The following SRPK1 variants were observed in gnomAD, a reference collection of about 807,000 sequenced individuals.
SRPK1 encodes the protein SFRS protein kinase 1.
A neutral mutation model predicts 89.5 loss-of-function variants in SRPK1; 52 were observed. That is an observed-to-expected ratio of 0.58 (90% CI 0.46 to 0.73). SRPK1 has a LOEUF of 0.73. Ranked by LOEUF, SRPK1 falls within the 30% of genes least tolerant of loss-of-function variation. SRPK1 has a pLI of 0.00. For synonymous variants in SRPK1, 255 were observed against 270.2 expected (o/e 0.94, Z 0.55); for missense variants, 603 against 780.6 (o/e 0.77, Z 2.71).
intron 13 of SRPK1, among the ~76,000 whole-genome samples, chr6:35,856,345 T>C (rs574577926): frequency 1.3e-5 from 2 of 152,272 alleles, no homozygotes; most frequent in South Asian, 4.1e-4. Flanking sequence ...GTATTCTTTA[T>C]AATAAAACTA....
chr6:35,894,323 G>A (rs1388971895), intron 2 of SRPK1, among the ~76,000 whole-genome samples: 1 of 152,098 alleles, frequency 6.6e-6, no homozygotes, highest in East Asian at 1.9e-4. Flanking sequence ...TCAGAAAGAA[G>A]TTCTAGAAAA....
intron 12 of SRPK1, among the ~76,000 whole-genome samples, chr6:35,860,549 T>C (rs1467934897): frequency 6.6e-6 from 1 of 152,180 alleles, no homozygotes; most frequent in African/African-American, 2.4e-5. Context: ...GTGTGATACT[T>C]GTTACAGAGT....
chr6:35,899,808 C>A (rs1183656095), intron 2 of SRPK1, among the ~76,000 whole-genome samples: 5 of 151,940 alleles, frequency 3.3e-5, no homozygotes, highest in African/African-American at 9.7e-5. Context: ...TCGAGACCAG[C>A]CTGGCCAACT....
At chr6:35,896,622 C>A (rs1011352146) in intron 2 of SRPK1, among the ~76,000 whole-genome samples, 3 of 152,194 alleles carry the variant, frequency 2.0e-5, no homozygotes, top group Non-Finnish European at 4.4e-5. Context: ...TGTATCCACA[C>A]ACCAAGTTGT....
chr6:35,912,562 T>C (rs1254258592), intron 2 of SRPK1, among the ~76,000 whole-genome samples: 2 of 152,134 alleles, frequency 1.3e-5, no homozygotes, highest in African/African-American at 4.8e-5. Flanking sequence ...AACAAAAACT[T>C]TGTGTGACTC....
At chr6:35,857,150 C>A in intron 13 of SRPK1, 111 bp downstream of exon 13, 2 of 752,096 alleles carry the variant, frequency 2.7e-6, no homozygotes, top group Admixed American at 2.4e-5. Flanking sequence ...TATGGTAAAT[C>A]ATCTGTGTTA....
At chr6:35,895,089 T>C (rs1480450770) in intron 2 of SRPK1, among the ~76,000 whole-genome samples, 3 of 151,988 alleles carry the variant, frequency 2.0e-5, no homozygotes, top group Non-Finnish European at 1.5e-5. Flanking sequence ...TGGAGGAATC[T>C]AACAATATGA....
Position 35,888,126 on chromosome 6 carries a change from C to G in SRPK1, c.303-15G>C, listed in dbSNP as rs2127256930. On this transcript the variant is annotated splice_polypyrimidine_tract_variant and intron_variant, in intron 4 of 15. Transcript: ENST00000373825. ...ATTTCTTCCCCCTAAGAAACAAACA[C>G]AGGCAATTAAGACTACATAGCCTAC... The G allele has an allele frequency of 2.9e-5, 46 of 1,590,398 alleles. No individual in the cohort carries two copies. The highest frequency in any genetic ancestry group is 3.9e-5 in the Non-Finnish European group (46 of 1,165,646).
At chr6:35,920,389 A>G in intron 2 of SRPK1, 79 bp downstream of exon 2, 1 of 1,539,784 alleles carries the variant, frequency 6.5e-7, no homozygotes, top group Non-Finnish European at 9.0e-7. Flanking sequence ...AACCCGGTGC[A>G]CGTTCAAGAC....
chr6:35,877,876 A>G (rs1770189298), intron 6 of SRPK1, among the ~76,000 whole-genome samples: 2 of 152,102 alleles, frequency 1.3e-5, no homozygotes, highest in African/African-American at 4.8e-5. Flanking sequence ...ATGAACTTCC[A>G]GAGACAAAAA....
intron 2 of SRPK1, chr6:35,920,202 G>C: frequency 1.7e-6 from 1 of 577,348 alleles, no homozygotes; most frequent in Non-Finnish European, 3.3e-6. Flanking sequence ...CTGTGGAGTT[G>C]GGGAGGAAAG....
intron 14 of SRPK1, among the ~76,000 whole-genome samples, chr6:35,841,604 TG>T (rs1769308919): frequency 6.6e-6 from 1 of 152,042 alleles, no homozygotes; most frequent in South Asian, 2.1e-4. Context: ...GAGGCTGAAG[TG>T]GGTGGACCAC....
intron 7 of SRPK1, 73 bp downstream of exon 7, chr6:35,874,160 C>T: frequency 7.9e-7 from 1 of 1,267,596 alleles, no homozygotes; most frequent in Non-Finnish European, 1.1e-6. Flanking sequence ...AAAATAAAGT[C>T]CTGACACTTC....
At chr6:35,877,292 C>T (rs939887440) in intron 6 of SRPK1, among the ~76,000 whole-genome samples, 1 of 152,094 alleles carries the variant, frequency 6.6e-6, no homozygotes, top group Non-Finnish European at 1.5e-5. Context: ...AAAACACTTT[C>T]CAAGTAACAT....
Position 35,869,509 on chromosome 6 carries a change from C to A in SRPK1, c.1384G>T (p.Glu462Ter). The A allele has an allele frequency of 6.2e-7, 1 of 1,613,902 alleles. No homozygotes were observed. The highest frequency in any genetic ancestry group is 1.1e-5 in the South Asian group (1 of 91,062). Residue 462 changes from glutamate (E) to a stop codon, truncating the protein, a stop_gained, in exon 11 of 16, where the codon GAA (glutamate) becomes TAA (stop). Transcript: ENST00000373825. LOFTEE classifies it high-confidence loss of function. Reference protein sequence around the residue: ...EIPCEDEQEQEHNGPLDNKGK... With the variant: ...EIPCEDEQEQ Reference sequence around the variant, plus strand: ...TTGTTGTCCAGTGGTCCGTTATGTTCTTGCTCTTGTTCATCTTCACAGGGT... The same window carrying A: ...TTGTTGTCCAGTGGTCCGTTATGTTATTGCTCTTGTTCATCTTCACAGGGT...
At chr6:35,850,049 G>A (rs1215701585) in intron 13 of SRPK1, among the ~76,000 whole-genome samples, 1 of 152,048 alleles carries the variant, frequency 6.6e-6, no homozygotes, top group African/African-American at 2.4e-5. Context: ...TGGTTACAGA[G>A]ACTGGGGGGT....
intron 2 of SRPK1, among the ~76,000 whole-genome samples, chr6:35,894,238 A>C (rs1291002137): frequency 2.0e-5 from 3 of 151,486 alleles, no homozygotes; most frequent in Admixed American, 6.6e-5. Context: ...AAACTAGTTA[A>C]TATGAATAGA....
At chr6:35,907,215 TCAAA>T (rs540980408) in intron 2 of SRPK1, among the ~76,000 whole-genome samples, 63 of 152,106 alleles carry the variant, frequency 4.1e-4, no homozygotes, top group African/African-American at 1.3e-3. Context: ...TAGAAACTTT[TCAAA>T]CAAAGGCAAT....
At chr6:35,882,460 G>A (rs1243641873) in intron 6 of SRPK1, among the ~76,000 whole-genome samples, 3 of 151,980 alleles carry the variant, frequency 2.0e-5, no homozygotes, top group African/African-American at 7.3e-5. Context: ...GGGACTACAG[G>A]CATGAGCTAC....
Sources: allele counts gnomAD v4.1 joint callset (sites outside exome capture counted in the v4.1 genomes callset), GRCh38; gene constraint gnomAD v4.1.1; transcripts MANE v1.5; gene names NCBI Gene and HGNC (gene_info 2026-07-23, HGNC 2026-07-21).